The following UROS variants were observed in gnomAD, a reference collection of about 807,000 sequenced individuals.
UROS encodes uroporphyrinogen-III synthase.
Under a neutral mutation model 33.0 loss-of-function variants are expected in UROS, and 18 were observed. The ratio of observed to expected loss-of-function variants is 0.55; its 90% confidence interval spans 0.38 to 0.81. UROS has a LOEUF of 0.81. Ranked by LOEUF, UROS falls within the 30% of genes least tolerant of loss-of-function variation. The pLI is 0.00. For synonymous variants in UROS, 114 were observed against 121.1 expected (o/e 0.94, Z 0.38); for missense variants, 293 against 314.9 (o/e 0.93, Z 0.53).
intron 6 of UROS, chr10:125,803,061 C>CTAA: frequency 6.2e-7 from 1 of 1,612,828 alleles, no homozygotes. Context: ...TGGACTTGGA[C>CTAA]TAAGTATCTT....
downstream of UROS, among the ~76,000 whole-genome samples, chr10:125,787,225 C>A (rs1446396157): frequency 6.6e-6 from 1 of 152,218 alleles, no homozygotes; most frequent in East Asian, 1.9e-4. Context: ...CTGTCCCCTA[C>A]CCCGAGGCTC....
At chr10:125,796,669 G>T (rs1851396878) in intron 7 of UROS, 3 of 636,690 alleles carry the variant, frequency 4.7e-6, no homozygotes, top group Admixed American at 1.3e-4. Flanking sequence ...GTGTCCACTT[G>T]TACAAGAACT....
At chr10:125,807,330 G>A in intron 6 of UROS, 83 bp downstream of exon 6, 1 of 1,216,924 alleles carries the variant, frequency 8.2e-7, no homozygotes, top group Non-Finnish European at 1.2e-6. Flanking sequence ...AATGCACTGA[G>A]GAAATATTCT....
chr10:125,786,265 T>C (rs1327882580), downstream of UROS, among the ~76,000 whole-genome samples: 1 of 151,926 alleles, frequency 6.6e-6, no homozygotes, highest in African/African-American at 2.4e-5. Flanking sequence ...GGGCTGTACA[T>C]TTGCACATGA....
intron 1 of UROS, among the ~76,000 whole-genome samples, chr10:125,820,014 TAAGA>T (rs1853731840): frequency 6.6e-6 from 1 of 151,920 alleles, no homozygotes; most frequent in Non-Finnish European, 1.5e-5. Flanking sequence ...ACCTTACTGG[TAAGA>T]AAGAACCAAA....
rs536722686 is a variant in UROS at position 125,818,384 on chromosome 10, G to GC, written c.-26-1860dup. ...GGCGCATCCCTGTAGTCCTAACTACGCAGGAGGCTGAGGTGGGAGAATCAC... is the reference window on the plus strand; with the variant it reads ...GGCGCATCCCTGTAGTCCTAACTACGCCAGGAGGCTGAGGTGGGAGAATCAC... On this transcript the variant is annotated intron_variant, in intron 1 of 9. Transcript: ENST00000368797. Among the ~76,000 whole-genome samples, 41 of 152,122 alleles carry GC rather than the reference G, an allele frequency of 2.7e-4. No individual in the cohort carries two copies. The South Asian group carries it at 8.3e-3, about 31-fold the overall frequency.
chr10:125,821,980 AC>A (rs780041195), intron 1 of UROS, among the ~76,000 whole-genome samples: 14 of 152,326 alleles, frequency 9.2e-5, no homozygotes, highest in Non-Finnish European at 2.1e-4. Flanking sequence ...CCTTTAGGGC[AC>A]GCCATCTCGT....
chr10:125,808,733 C>G (rs1307654300), intron 5 of UROS, among the ~76,000 whole-genome samples: 3 of 152,246 alleles, frequency 2.0e-5, no homozygotes, highest in South Asian at 2.1e-4. Flanking sequence ...TACTACTGTA[C>G]TTGAGAGGGA....
downstream of UROS, among the ~76,000 whole-genome samples, chr10:125,786,965 G>A (rs1436512532): frequency 2.6e-5 from 4 of 152,312 alleles, no homozygotes; most frequent in South Asian, 4.1e-4. Flanking sequence ...CCCGACTCAC[G>A]CAATCGTCGA....
chr10:125,793,249 C>CA (rs1589923360), intron 9 of UROS: 2 of 148,868 alleles, frequency 1.3e-5, no homozygotes, highest in Admixed American at 7.0e-5. Flanking sequence ...GAGTATAAAT[C>CA]TTTTGTTCTT....
In UROS at chr10:125,801,021, T is replaced by C. The variant is rs151058838; in HGVS notation, c.395-2876A>G. Among the ~76,000 whole-genome samples, 291 of 152,328 alleles carry C rather than the reference T, an allele frequency of 1.9e-3. 2 individuals carry two copies. Among genetic ancestry groups the C allele is most frequent in the African/African-American group, 6.6e-3 (274 of 41,576 alleles). On this transcript the variant is annotated intron_variant, in intron 6 of 9. Coordinates refer to ENST00000368797, the MANE Select transcript of UROS (RefSeq NM_000375.3). ...TCAATGACACTGACTTTTTAAAATG[T>C]CATCTTACTGAAGGACGTGCACACA...
intron 1 of UROS, 62 bp from the exon 2 acceptor site, chr10:125,816,587 C>T (rs1333886354): frequency 9.2e-6 from 14 of 1,514,190 alleles, no homozygotes; most frequent in African/African-American, 4.1e-5. Context: ...AAGCAATTTC[C>T]GATGGGGACG....
rs534173163 is a variant in UROS at position 125,796,302 on chromosome 10, C to T, written c.476-114G>A. ...CCAATACAGCACCACCCTCCTGGAA[C>T]GAGCTGCTTGGAAGCTGAGAGGCCA... On this transcript the variant is annotated intron_variant, in intron 7 of 9. Transcript: ENST00000368797. 229 of 1,070,346 alleles carry T rather than the reference C, an allele frequency of 2.1e-4. 1 individual carries two copies. Among genetic ancestry groups the T allele is most frequent in the African/African-American group, 1.7e-3 (113 of 64,708 alleles). 66.3% of individuals were successfully genotyped at this position (1,070,346 alleles called of 1,614,324 possible).
At chr10:125,801,789 A>C (rs1851858305) in intron 6 of UROS, among the ~76,000 whole-genome samples, 1 of 152,224 alleles carries the variant, frequency 6.6e-6, no homozygotes, top group Non-Finnish European at 1.5e-5. Context: ...GAGTCAGTTA[A>C]CTGAAACACC....
At chr10:125,790,016 T>A (rs372277893) in intron 9 of UROS, among the ~76,000 whole-genome samples, 80 of 152,242 alleles carry the variant, frequency 5.3e-4, no homozygotes, top group African/African-American at 1.9e-3. Flanking sequence ...CGCTTCATCC[T>A]CCCTCCCAGC....
intron 5 of UROS, 99 bp downstream of exon 5, chr10:125,812,115 T>G (rs1852869046): frequency 8.2e-7 from 1 of 1,225,016 alleles, no homozygotes; most frequent in African/African-American, 1.5e-5. Flanking sequence ...GCAAATTTAA[T>G]AAGCAAAAAA....
downstream of UROS, among the ~76,000 whole-genome samples, chr10:125,787,804 G>A (rs1249129286): frequency 6.6e-6 from 1 of 152,102 alleles, no homozygotes. Context: ...TCAAGATTTG[G>A]AGAACAATCA....
chr10:125,805,093 G>A (rs557998470), intron 6 of UROS, among the ~76,000 whole-genome samples: 2 of 152,218 alleles, frequency 1.3e-5, no homozygotes, highest in African/African-American at 4.8e-5. Context: ...TGTCCGAGCC[G>A]ATGAACGCAC....
At chr10:125,822,766 A>C (rs1255987180) in intron 1 of UROS, among the ~76,000 whole-genome samples, 1 of 152,070 alleles carries the variant, frequency 6.6e-6, no homozygotes, top group African/African-American at 2.4e-5. Flanking sequence ...CCCCCCGCCG[A>C]AGCATTTTTA....
Sources: gnomAD v4.1 joint callset for allele counts (sites outside exome capture counted in the v4.1 genomes callset) on GRCh38, gnomAD v4.1.1 for gene constraint, MANE v1.5 for transcripts, NCBI Gene and HGNC (gene_info 2026-07-23, HGNC 2026-07-21) for gene names.